SVEP1: variants seen among roughly 807,000 people sequenced by gnomAD.
The protein encoded by SVEP1 is sushi, von Willebrand factor type A, EGF and pentraxin domain containing 1.
Under a neutral mutation model 367.3 loss-of-function variants are expected in SVEP1, and 164 were observed. The observed-to-expected ratio is 0.45, with a 90% CI of 0.39 to 0.51. SVEP1 has a LOEUF of 0.51. Among genes scored for constraint, SVEP1 ranks in the 20% least tolerant of loss-of-function variants. The pLI is 0.00. For missense variants in SVEP1, 4,117 were observed against 4,425.3 expected (o/e 0.93, Z 1.98); for synonymous variants, 1,666 against 1,611.6 (o/e 1.03, Z -0.81).
intron 20 of SVEP1, chr9:110,458,081 G>T (rs1024873446): frequency 4.3e-6 from 2 of 463,866 alleles, no homozygotes; most frequent in South Asian, 1.6e-5. Context: ...TTCTGGCAAA[G>T]AAATTTAAAT....
Position 110,408,317 on chromosome 9 carries a change from C to T in SVEP1, c.7283G>A (p.Trp2428Ter). 6.2e-7 allele frequency: 1 copy of T among 1,613,868 alleles called. No individual in the cohort carries two copies. Among genetic ancestry groups the T allele is most frequent in the South Asian group, 1.1e-5 (1 of 91,060 alleles). Residue 2428 changes from tryptophan to a stop codon, truncating the protein, a stop_gained, in exon 38 of 48, where the codon TGG becomes TAG. Transcript: ENST00000374469. LOFTEE classifies it high-confidence loss of function. ...STTLCQPDGT[W>*]SSPLPECVPV... The stretch of plus-strand genomic sequence containing the variant: ...AACACATTCTGGCAGTGGAGAGCTC[C>T]AGGTGCCATCAGGTTGGCAGAGGGT...
rs1056572724 is a variant in SVEP1 at position 110,579,001 on chromosome 9, C to A, written c.531+12G>T. ...GGACTAGGGCCCGGGTCGGGAGGGG[C>A]GGGCGCCTTACCGCGGCTTGCTGGA... On this transcript the variant is annotated intron_variant, in intron 1 of 47. Transcript: ENST00000374469. The surrounding 1 kb of genome is among the most constrained non-coding windows in gnomAD (Gnocchi z 5.3). 1.3e-6 allele frequency: 2 copies of A among 1,536,828 alleles called. No homozygotes were observed. The highest frequency in any genetic ancestry group is 8.7e-7 in the Non-Finnish European group (1 of 1,142,964).
At chr9:110,466,505 T>A (rs1828938642) in intron 17 of SVEP1, among the ~76,000 whole-genome samples, 1 of 151,946 alleles carries the variant, frequency 6.6e-6, no homozygotes, top group African/African-American at 2.4e-5. Flanking sequence ...ACGCCTGTAA[T>A]CCCAGCACTT....
chr9:110,557,809 G>T (rs1321542806), intron 1 of SVEP1, among the ~76,000 whole-genome samples: 4 of 152,022 alleles, frequency 2.6e-5, no homozygotes, highest in South Asian at 2.1e-4. Flanking sequence ...CAGTGAAGAG[G>T]TTAACCCTCT....
intron 39 of SVEP1, 90 bp downstream of exon 39, chr9:110,404,237 T>C (rs1056471937): frequency 1.0e-5 from 13 of 1,269,574 alleles, no homozygotes; most frequent in Non-Finnish European, 1.4e-5. Flanking sequence ...AGACTTTTTT[T>C]TCTTTTTGGG....
intron 17 of SVEP1, among the ~76,000 whole-genome samples, chr9:110,468,407 T>G (rs1207240975): frequency 6.6e-6 from 1 of 152,254 alleles, no homozygotes; most frequent in East Asian, 1.9e-4. Flanking sequence ...CTTGGCATAC[T>G]GAATATTTCA....
intron 3 of SVEP1, among the ~76,000 whole-genome samples, chr9:110,533,124 G>A (rs1830040590): frequency 6.6e-6 from 1 of 152,052 alleles, no homozygotes; most frequent in Non-Finnish European, 1.5e-5. Flanking sequence ...AGCTCAGGCG[G>A]TAAGGCTTGC....
Position 110,434,484 on chromosome 9 carries a change from T to C in SVEP1, c.4911A>G (p.Ser1637=), listed in dbSNP as rs1828401476. 6.2e-7 allele frequency: 1 copy of C among 1,613,212 alleles called. No individual in the cohort carries two copies. The highest frequency in any genetic ancestry group is 1.3e-5 in the African/African-American group (1 of 74,792). ...CAGATGCAGTTCTCAGATGAGGCAC[T>C]GACCCTCCTAAGCGTGGGCAATCTG... ...FCSDCPRLGG[S]VPHLRTASED... is the part of the protein sequence containing the mutation. The change falls in exon 30 of 48, where the codon TCA becomes TCG. Residue 1637 remains serine (S), a synonymous_variant. Transcript: ENST00000374469.
Position 110,366,599 on chromosome 9 carries a change from G to C in SVEP1, c.10695-39C>G, listed in dbSNP as rs1426331590. ...AAAAAGCAACCAAATAGATTCAAAA[G>C]AAAAAATTGAACTGAAGAGCTAACA... is the stretch of plus-strand genomic sequence containing the variant. On this transcript the variant is annotated intron_variant, in intron 47 of 47. Transcript: ENST00000374469. The C allele has an allele frequency of 7.3e-6, 11 of 1,500,536 alleles. No individual in the cohort carries two copies. In the Admixed American group the frequency reaches 9.7e-5, roughly 13 times the overall value. 93.0% of individuals were successfully genotyped at this position (1,500,536 alleles called of 1,614,324 possible).
At chr9:110,492,998 T>C (rs1829392395) in intron 8 of SVEP1, among the ~76,000 whole-genome samples, 1 of 152,028 alleles carries the variant, frequency 6.6e-6, no homozygotes, top group African/African-American at 2.4e-5. Flanking sequence ...AGGAAGGCTG[T>C]TCTGAAAATG....
At position 110,435,317 on chromosome 9, in the gene SVEP1, G is replaced by A. The variant is rs1349753192; in HGVS notation, c.4812C>T (p.Asn1604=). ...ACAAGAAATCAGGCCATGCTAACAC[G>A]TTTCCTTTACTGAGTTCCTCTGGGC... is the stretch of plus-strand genomic sequence containing the variant. ...TSCPEELSKG[N]VLAWPDFLSG... The change falls in exon 29 of 48, where the codon AAC becomes AAT. Residue 1604 remains asparagine (N), a synonymous_variant. Transcript: ENST00000374469. 10 of 1,613,384 alleles carry A rather than the reference G, an allele frequency of 6.2e-6. No individual in the cohort carries two copies. The highest frequency in any genetic ancestry group is 2.7e-5 in the African/African-American group (2 of 74,880).
chr9:110,369,105 T>G (rs1777756902), intron 47 of SVEP1, among the ~76,000 whole-genome samples: 1 of 152,204 alleles, frequency 6.6e-6, no homozygotes, highest in Non-Finnish European at 1.5e-5. Flanking sequence ...GTGATATATA[T>G]TGAAAGTCTT....
intron 6 of SVEP1, among the ~76,000 whole-genome samples, chr9:110,502,103 A>AT (rs35353042): frequency 0.32 from 42,966 of 135,762 alleles, 7,090 homozygotes; most frequent in Admixed American, 0.42. Flanking sequence ...AGTTCTTAGA[A>AT]TTTTTTTTTT....
Position 110,393,563 on chromosome 9 carries a change from G to A in SVEP1, c.9823-3976C>T, listed in dbSNP as rs192234653. On this transcript the variant is annotated intron_variant, in intron 40 of 47. Transcript: ENST00000374469. ...ACAAGCCAAAGCAGAATGAGGCATC[G>A]CCTCACCCGGGAAGCACAAGGGGTC... Among the ~76,000 whole-genome samples the A allele has an allele frequency of 1.4e-4, 22 of 152,284 alleles. No homozygotes were observed. In the East Asian group the frequency reaches 3.7e-3, roughly 25 times the overall value.
chr9:110,476,381 T>C (rs918658789), intron 13 of SVEP1, 66 bp from the exon 14 acceptor site: 11 of 1,243,754 alleles, frequency 8.8e-6, no homozygotes, highest in South Asian at 8.5e-5. Flanking sequence ...ATAAACACTT[T>C]GCTCCCCTGG....
rs1827295425 is a variant in SVEP1, at chr9:110,372,637, G to C, written c.10601-2621C>G. Among the ~76,000 whole-genome samples, 3 of 152,226 alleles carry C rather than the reference G, an allele frequency of 2.0e-5. No homozygotes were observed. The South Asian group carries it at 6.2e-4, about 31-fold the overall frequency. ...TATTGTGATATTGAACAAGTTTAGA[G>C]ATCAGAGGAAACTTAGGCAGGACTT... is the stretch of plus-strand genomic sequence containing the variant. On this transcript the variant is annotated intron_variant, in intron 46 of 47. Transcript: ENST00000374469.
intron 27 of SVEP1, among the ~76,000 whole-genome samples, chr9:110,441,395 C>A (rs1483096835): frequency 6.6e-6 from 1 of 152,186 alleles, no homozygotes; most frequent in Non-Finnish European, 1.5e-5. Flanking sequence ...ATAAATCACC[C>A]TTGCTCCCTA....
chr9:110,372,403 T>C (rs1827291939), intron 46 of SVEP1, among the ~76,000 whole-genome samples: 1 of 152,208 alleles, frequency 6.6e-6, no homozygotes, highest in African/African-American at 2.4e-5. Flanking sequence ...GTATGCTTAG[T>C]ACTTAGGGGT....
chr9:110,527,475 C>T lies in SVEP1; in HGVS notation c.965-13369G>A, dbSNP rs191039497. ...TTTTGATAAAAATGTAAAAATTGTG[C>T]TCCATAAAGGATTCACTAACTTATA... On this transcript the variant is annotated intron_variant, in intron 3 of 47. Transcript: ENST00000374469. Among the ~76,000 whole-genome samples, 347 of 152,022 alleles carry T rather than the reference C, an allele frequency of 2.3e-3. 3 individuals are homozygous for T. The highest frequency in any genetic ancestry group is 1.1e-3 in the Non-Finnish European group (74 of 67,918).
Sources: allele counts gnomAD v4.1 joint callset (sites outside exome capture counted in the v4.1 genomes callset), GRCh38; gene constraint gnomAD v4.1.1; non-coding constraint Gnocchi (gnomAD v3.1); transcripts MANE v1.5; gene names NCBI Gene and HGNC (gene_info 2026-07-23, HGNC 2026-07-21).